RARB: variants seen among roughly 807,000 people sequenced by gnomAD.
RARB encodes the protein HBV-activated protein.
RARB carries 17 observed loss-of-function variants against 51.9 expected under a neutral mutation model. The ratio of observed to expected loss-of-function variants is 0.33; its 90% confidence interval spans 0.22 to 0.49. The LOEUF is 0.49. Among genes scored for constraint, RARB ranks in the 20% least tolerant of loss-of-function variants. RARB has a pLI of 0.99. For missense variants in RARB, 369 were observed against 550.8 expected, an observed-to-expected ratio of 0.67 and a Z score of 3.30; for synonymous variants, 215 against 195.4, an observed-to-expected ratio of 1.10 and a Z score of -0.84.
At chr3:25,106,845 A>G (rs1023031135) in intron 3 of RARB, among the ~76,000 whole-genome samples, 1 of 151,952 alleles carries the variant, frequency 6.6e-6, no homozygotes, top group Non-Finnish European at 1.5e-5. Flanking sequence ...CTATGGCCCT[A>G]TACCAATTGA....
At chr3:25,128,420 T>A (rs1263567806) in intron 3 of RARB, among the ~76,000 whole-genome samples, 1 of 148,850 alleles carries the variant, frequency 6.7e-6, no homozygotes, top group Non-Finnish European at 1.5e-5. Context: ...TATACAAAAT[T>A]ATATTTTATA....
rs116044608 is a variant in RARB, at chr3:25,023,292, G to A, written c.-379-36833G>A. On this transcript the variant is annotated intron_variant, in intron 2 of 11. Coordinates refer to the RARB transcript ENST00000383772. ...AAGTATAGCCACAATCTTAACTTCA[G>A]TCTGCTTAATCAAGAAGCCTATTTA... 7.4e-3 allele frequency among the ~76,000 whole-genome samples: 1,130 copies of A among 152,302 alleles called. 17 individuals are homozygous for A. The highest frequency in any genetic ancestry group is 0.026 in the African/African-American group (1,075 of 41,572).
intron 3 of RARB, among the ~76,000 whole-genome samples, chr3:25,086,453 A>C (rs932721014): frequency 6.6e-6 from 1 of 152,158 alleles, no homozygotes; most frequent in African/African-American, 2.4e-5. Flanking sequence ...TTTTTAACTT[A>C]TGAAGAGTTT....
At chr3:25,169,079 C>T (rs893029181) in intron 4 of RARB, among the ~76,000 whole-genome samples, 24 of 152,192 alleles carry the variant, frequency 1.6e-4, no homozygotes, top group African/African-American at 5.8e-4. Flanking sequence ...TTCTAATCCA[C>T]AATTTTATAC....
chr3:24,851,294 G>T (rs1702552168), intron 1 of RARB, among the ~76,000 whole-genome samples: 1 of 152,124 alleles, frequency 6.6e-6, no homozygotes, highest in African/African-American at 2.4e-5. Flanking sequence ...GGGCATGGTG[G>T]TGTGCACCTG....
chr3:24,962,220 C>T (rs888792451), intron 2 of RARB, among the ~76,000 whole-genome samples: 8 of 151,460 alleles, frequency 5.3e-5, no homozygotes, highest in Admixed American at 1.3e-4. Context: ...TGAGCCACCT[C>T]GCCCGGCCCC....
intron 2 of RARB, among the ~76,000 whole-genome samples, chr3:24,871,314 A>T (rs1026422852): frequency 6.6e-6 from 1 of 152,158 alleles, no homozygotes; most frequent in South Asian, 2.1e-4. Context: ...ACATAGTTTT[A>T]AAATCTCTTG....
intron 5 of RARB, among the ~76,000 whole-genome samples, chr3:25,181,068 C>G (rs957947762): frequency 9.2e-5 from 14 of 152,106 alleles, no homozygotes; most frequent in Non-Finnish European, 1.2e-4. Flanking sequence ...TTGTTATGAC[C>G]AAAGTCAGTC....
At chr3:24,896,757 G>A (rs548597942) in intron 2 of RARB, among the ~76,000 whole-genome samples, 1 of 152,300 alleles carries the variant, frequency 6.6e-6, no homozygotes, top group South Asian at 2.1e-4. Flanking sequence ...AAGCTTGTTA[G>A]AATAGGCTAG....
chr3:25,572,741 C>T (rs929883076), intron 4 of RARB, among the ~76,000 whole-genome samples: 2 of 152,118 alleles, frequency 1.3e-5, no homozygotes, highest in Non-Finnish European at 1.5e-5. Context: ...GACTTTTGAT[C>T]CAGGTCATGA....
chr3:24,874,602 G>T (rs1202955023), intron 2 of RARB, among the ~76,000 whole-genome samples: 2 of 151,836 alleles, frequency 1.3e-5, no homozygotes, highest in African/African-American at 4.8e-5. Flanking sequence ...TATTAATATA[G>T]CTTTATAGAT....
chr3:24,952,030 G>A (rs1011006224), intron 2 of RARB, among the ~76,000 whole-genome samples: 16 of 152,110 alleles, frequency 1.1e-4, no homozygotes, highest in African/African-American at 3.6e-4. Flanking sequence ...TATCTGTTCA[G>A]CTAGATGCAA....
chr3:25,290,045 G>T (rs1345764905), intron 5 of RARB, among the ~76,000 whole-genome samples: 2 of 152,120 alleles, frequency 1.3e-5, no homozygotes, highest in Admixed American at 6.6e-5. Flanking sequence ...TGGGTTGGGG[G>T]ATTTAAGAGA....
intron 5 of RARB, among the ~76,000 whole-genome samples, chr3:25,352,777 A>T (rs762797027): frequency 1.3e-5 from 2 of 152,140 alleles, no homozygotes; most frequent in Non-Finnish European, 2.9e-5. Context: ...AAGTAACATC[A>T]CTCATTACTT....
rs146792972 is a variant in RARB at position 25,207,945 on chromosome 3, G to C, written c.178+33370G>C. Among the ~76,000 whole-genome samples the C allele has an allele frequency of 2.7e-3, 404 of 152,104 alleles. 1 individual carries two copies. Among genetic ancestry groups the C allele is most frequent in the African/African-American group, 9.4e-3 (388 of 41,470 alleles). Reference sequence around the variant, plus strand: ...CTGCTTGGGTTCTGAAGAGGCCTCAGGGAGGTTTTACTCATGGCAGAAAGC... The same window carrying C: ...CTGCTTGGGTTCTGAAGAGGCCTCACGGAGGTTTTACTCATGGCAGAAAGC... On this transcript the variant is annotated intron_variant, in intron 5 of 11. Coordinates refer to the RARB transcript ENST00000383772.
chr3:25,568,424 TC>T (rs540878705), intron 3 of RARB, among the ~76,000 whole-genome samples: 493 of 152,260 alleles, frequency 3.2e-3, no homozygotes, highest in Non-Finnish European at 4.7e-3. Context: ...GTTCCTGGTC[TC>T]CCCAGCTGCC....
At chr3:24,914,345 T>C (rs1695062258) in intron 2 of RARB, among the ~76,000 whole-genome samples, 1 of 152,112 alleles carries the variant, frequency 6.6e-6, no homozygotes, top group African/African-American at 2.4e-5. Context: ...TTCAAAGCTT[T>C]TAAAGGTGGG....
chr3:25,044,538 C>T (rs1316296270), intron 2 of RARB, among the ~76,000 whole-genome samples: 3 of 152,118 alleles, frequency 2.0e-5, no homozygotes, highest in Non-Finnish European at 4.4e-5. Context: ...TAGTAATCAG[C>T]CTGGGATTGG....
At chr3:25,475,868 AGTTATGGTAAGGCCAG>A (rs1259582398) in intron 2 of RARB, among the ~76,000 whole-genome samples, 1 of 152,158 alleles carries the variant, frequency 6.6e-6, no homozygotes, top group African/African-American at 2.4e-5. Flanking sequence ...TTCCCATTTT[AGTTATGGTAAGGCCAG>A]GTTATGCTGC....
Sources: allele counts gnomAD v4.1 joint callset (sites outside exome capture counted in the v4.1 genomes callset), GRCh38; gene constraint gnomAD v4.1.1; transcripts MANE v1.5; gene names NCBI Gene and HGNC (gene_info 2026-07-23, HGNC 2026-07-21).